Variants in NRXN3 observed in about 807,000 individuals in gnomAD.
NRXN3 encodes neurexin 3, also known as neurexin III.
A neutral mutation model predicts 137.6 loss-of-function variants in NRXN3; 32 were observed. The observed-to-expected ratio is 0.23, with a 90% CI of 0.18 to 0.31. NRXN3 has a LOEUF of 0.31. Among genes scored for constraint, NRXN3 ranks in the 10% least tolerant of loss-of-function variants. The pLI, the probability that NRXN3 is intolerant of heterozygous loss-of-function variation, is 1.00. For synonymous variants in NRXN3, 798 were observed against 784.5 expected (o/e 1.02, Z -0.29); for missense variants, 1,574 against 2,062.5 (o/e 0.76, Z 4.59).
chr14:78,302,426 A>G (rs1378829966), intron 4 of NRXN3, among the ~76,000 whole-genome samples: 2 of 152,176 alleles, frequency 1.3e-5, no homozygotes, highest in African/African-American at 4.8e-5. Flanking sequence ...TAAGAACAAT[A>G]AGACTCAGAG....
chr14:79,269,568 A>G (rs2078992160), intron 15 of NRXN3, among the ~76,000 whole-genome samples: 1 of 152,176 alleles, frequency 6.6e-6, no homozygotes, highest in Non-Finnish European at 1.5e-5. Context: ...TTGGTTAGAC[A>G]GAGCAAAGTA....
At chr14:78,188,793 A>G (rs1267849374) in intron 1 of NRXN3, among the ~76,000 whole-genome samples, 1 of 152,186 alleles carries the variant, frequency 6.6e-6, no homozygotes, top group Non-Finnish European at 1.5e-5. Context: ...GAATGGCGTC[A>G]TACCTACCCT....
chr14:78,930,409 C>A (rs373346557), intron 10 of NRXN3, among the ~76,000 whole-genome samples: 52 of 152,248 alleles, frequency 3.4e-4, no homozygotes, highest in African/African-American at 1.2e-3. Flanking sequence ...GTTGCCTAAA[C>A]ATAGTATGGT....
At chr14:78,701,256 A>G (rs137963216) in intron 6 of NRXN3, among the ~76,000 whole-genome samples, 230 of 152,328 alleles carry the variant, frequency 1.5e-3, no homozygotes, top group African/African-American at 5.4e-3. Context: ...TACTGTTCAC[A>G]TCTGTAACTG....
At chr14:78,683,883 T>C (rs1446922104) in intron 6 of NRXN3, among the ~76,000 whole-genome samples, 1 of 152,232 alleles carries the variant, frequency 6.6e-6, no homozygotes, top group African/African-American at 2.4e-5. Flanking sequence ...TTATTTTATG[T>C]TAGTTACATC....
At chr14:78,381,903 G>A (rs933746051) in intron 4 of NRXN3, among the ~76,000 whole-genome samples, 6 of 152,136 alleles carry the variant, frequency 3.9e-5, no homozygotes, top group Non-Finnish European at 8.8e-5. Context: ...AGAGTGAACA[G>A]GTTAGTGGTT....
At chr14:79,330,004 G>A (rs1199938530) in intron 15 of NRXN3, among the ~76,000 whole-genome samples, 1 of 151,960 alleles carries the variant, frequency 6.6e-6, no homozygotes, top group Non-Finnish European at 1.5e-5. Flanking sequence ...GCTAATTTTT[G>A]TATTTTTAGT....
At chr14:79,618,957 T>C (rs966388185) in intron 16 of NRXN3, among the ~76,000 whole-genome samples, 1 of 152,156 alleles carries the variant, frequency 6.6e-6, no homozygotes, top group Non-Finnish European at 1.5e-5. Context: ...CTCTAACTAG[T>C]GATATTGATC....
intron 4 of NRXN3, among the ~76,000 whole-genome samples, chr14:78,332,147 T>C (rs970232388): frequency 2.0e-5 from 3 of 152,184 alleles, no homozygotes; most frequent in Non-Finnish European, 4.4e-5. Context: ...CATGGTGTTT[T>C]CAAAGTAAAT....
chr14:79,363,333 G>A (rs1469171428), intron 15 of NRXN3, among the ~76,000 whole-genome samples: 1 of 152,176 alleles, frequency 6.6e-6, no homozygotes, highest in Non-Finnish European at 1.5e-5. Context: ...TCCTAGAGCA[G>A]TGTGGCTCAT....
intron 6 of NRXN3, chr14:78,697,961 T>C (rs185006225): frequency 6.6e-6 from 1 of 152,182 alleles, no homozygotes; most frequent in East Asian, 1.9e-4. Context: ...GCAGAAGTGC[T>C]TCACAGGCCA....
At chr14:79,193,212 A>G (rs1663273211) in intron 15 of NRXN3, among the ~76,000 whole-genome samples, 2 of 152,220 alleles carry the variant, frequency 1.3e-5, no homozygotes, top group Admixed American at 6.5e-5. Flanking sequence ...TAGCCTCTAA[A>G]TAAGAATAGT....
chr14:79,386,240 G>A (rs1447206217), intron 15 of NRXN3, among the ~76,000 whole-genome samples: 9 of 152,064 alleles, frequency 5.9e-5, no homozygotes, highest in Non-Finnish European at 8.8e-5. Context: ...TACGCTGAGA[G>A]GCAACTTCAG....
chr14:79,543,248 T>C (rs946461186), intron 16 of NRXN3, among the ~76,000 whole-genome samples: 1 of 152,188 alleles, frequency 6.6e-6, no homozygotes, highest in African/African-American at 2.4e-5. Context: ...TCTGTGATGT[T>C]ACTTATCTGT....
At chr14:79,376,214 GTA>G (rs1159913935) in intron 15 of NRXN3, among the ~76,000 whole-genome samples, 954 of 70,942 alleles carry the variant, frequency 0.013, 11 homozygotes, top group Admixed American at 0.019. Context: ...GTGTGTGTAT[GTA>G]TATATATATA....
At chr14:78,599,285 T>G (rs1366095715) in intron 4 of NRXN3, among the ~76,000 whole-genome samples, 1 of 152,260 alleles carries the variant, frequency 6.6e-6, no homozygotes, top group African/African-American at 2.4e-5. Context: ...CTAGCGGCTT[T>G]CCACCTACAG....
At chr14:79,538,341 T>G (rs938072076) in intron 16 of NRXN3, among the ~76,000 whole-genome samples, 12 of 152,260 alleles carry the variant, frequency 7.9e-5, no homozygotes, top group Admixed American at 3.9e-4. Flanking sequence ...CATTGCTTTT[T>G]GTGTTTTAGA....
At chr14:79,443,288 A>T (rs1289830671) in intron 15 of NRXN3, among the ~76,000 whole-genome samples, 1 of 152,204 alleles carries the variant, frequency 6.6e-6, no homozygotes, top group Admixed American at 6.5e-5. Context: ...GAAGGATAAA[A>T]AGATACAAAC....
chr14:78,325,671 T>TA (rs201237993), intron 4 of NRXN3, among the ~76,000 whole-genome samples: 28 of 150,728 alleles, frequency 1.9e-4, no homozygotes, highest in South Asian at 1.7e-3. Flanking sequence ...GCATAGGGTG[T>TA]AAAAAAAAAG....
Sources: allele counts gnomAD v4.1 joint callset (sites outside exome capture counted in the v4.1 genomes callset), GRCh38; gene constraint gnomAD v4.1.1; transcripts MANE v1.5; gene names NCBI Gene and HGNC (gene_info 2026-07-23, HGNC 2026-07-21).